The following P3H2 variants were observed in gnomAD, a reference collection of about 807,000 sequenced individuals.
The protein encoded by P3H2 is prolyl 3-hydroxylase 2, also known as leprecan-like 1.
In P3H2, 80 loss-of-function variants were observed where a neutral mutation model predicts 87.0. That is an observed-to-expected ratio of 0.92 (90% CI 0.77 to 1.11). The LOEUF is 1.11. Among genes scored for constraint, P3H2 ranks in the 50% least tolerant of loss-of-function variants. The pLI is 0.00. For missense variants in P3H2, 1,001 were observed against 923.9 expected (o/e 1.08, Z -1.08); for synonymous variants, 367 against 359.3 (o/e 1.02, Z -0.24).
intron 1 of P3H2, among the ~76,000 whole-genome samples, chr3:190,007,965 C>CACACACATAT: frequency 1.1e-5 from 1 of 94,332 alleles, no homozygotes. Context: ...TGTTGACACA[C>CACACACATAT]ATATATATAT....
At chr3:190,052,909 T>C (rs1201146184) in intron 1 of P3H2, among the ~76,000 whole-genome samples, 3 of 152,220 alleles carry the variant, frequency 2.0e-5, no homozygotes, top group Non-Finnish European at 4.4e-5. Context: ...TTCATCTTTC[T>C]TCCTTAGTCC....
intron 1 of P3H2, among the ~76,000 whole-genome samples, chr3:190,117,881 C>A (rs984389209): frequency 6.6e-6 from 1 of 151,902 alleles, no homozygotes; most frequent in Non-Finnish European, 1.5e-5. Context: ...TATGTAGATC[C>A]AAGAAACTGC....
At chr3:190,074,319 G>A (rs1236348397) in intron 1 of P3H2, among the ~76,000 whole-genome samples, 4 of 152,082 alleles carry the variant, frequency 2.6e-5, no homozygotes, top group Non-Finnish European at 5.9e-5. Context: ...AGACCTGCCT[G>A]GCCAACATGA....
chr3:189,993,760 C>A (rs546828366), intron 3 of P3H2, among the ~76,000 whole-genome samples: 131 of 151,960 alleles, frequency 8.6e-4, no homozygotes, highest in African/African-American at 2.9e-3. Context: ...TACGTACTTA[C>A]GTGAGAAGAA....
intron 1 of P3H2, among the ~76,000 whole-genome samples, chr3:190,021,584 TA>T (rs1442803678): frequency 4.4e-5 from 6 of 134,876 alleles, no homozygotes; most frequent in African/African-American, 1.5e-4. Context: ...CTTTCAGTTT[TA>T]AAAAATAAAA....
In P3H2 at chr3:189,983,186, G is replaced by A. The variant is rs549249630; in HGVS notation, c.1230-46C>T. The A allele has an allele frequency of 3.0e-4, 424 of 1,390,648 alleles. 3 individuals carry two copies. The South Asian group carries it at 4.5e-3, about 15-fold the overall frequency. 86.1% of individuals were successfully genotyped at this position (1,390,648 alleles called of 1,614,324 possible). ...AAATGGCAATTTGTCATTGAATAAC[G>A]ATGTTCAAAGGCAAAGAATACTTTA... On this transcript the variant is annotated intron_variant, in intron 7 of 14. Transcript: ENST00000319332.
At chr3:189,961,922 T>C (rs978305892) in intron 14 of P3H2, among the ~76,000 whole-genome samples, 3 of 152,198 alleles carry the variant, frequency 2.0e-5, no homozygotes, top group East Asian at 1.9e-4. Context: ...GTCTGCTGAA[T>C]TGAATACTAG....
At chr3:190,038,486 G>T (rs1725494748) in intron 1 of P3H2, among the ~76,000 whole-genome samples, 3 of 92,606 alleles carry the variant, frequency 3.2e-5, no homozygotes, top group Non-Finnish European at 4.3e-5. Flanking sequence ...ACTGCAGAAT[G>T]AAAAAAAAAA....
intron 1 of P3H2, among the ~76,000 whole-genome samples, chr3:190,013,728 A>G (rs1413445561): frequency 6.6e-6 from 1 of 152,210 alleles, no homozygotes; most frequent in Non-Finnish European, 1.5e-5. Flanking sequence ...CAGTTTTCAA[A>G]TATCTTTTAC....
rs941278008 is a variant in P3H2, at chr3:189,991,157, A to C, written c.824-2119T>G. 2.0e-5 allele frequency among the ~76,000 whole-genome samples: 3 copies of C among 152,236 alleles called. No homozygotes were observed. In the South Asian group the frequency reaches 6.2e-4, roughly 32 times the overall value. ...CAATTAAAATGTGAACCACACATAA[A>C]ACTGACATTCCAAAAATTTAGGCAA... On this transcript the variant is annotated intron_variant, in intron 3 of 14. Coordinates refer to ENST00000319332, the MANE Select transcript of P3H2 (RefSeq NM_018192.4).
chr3:190,110,872 T>C (rs1043336297), intron 1 of P3H2, among the ~76,000 whole-genome samples: 1 of 152,224 alleles, frequency 6.6e-6, no homozygotes, highest in Non-Finnish European at 1.5e-5. Flanking sequence ...TTTTATTACA[T>C]ATTTTGCTTT....
intron 1 of P3H2, among the ~76,000 whole-genome samples, chr3:190,012,921 C>T (rs1040478701): frequency 2.0e-5 from 3 of 152,104 alleles, no homozygotes; most frequent in South Asian, 2.1e-4. Context: ...CTTGAAAGTC[C>T]GCTTAGCTCA....
At chr3:189,993,510 A>G (rs1009185024) in intron 3 of P3H2, among the ~76,000 whole-genome samples, 5 of 152,160 alleles carry the variant, frequency 3.3e-5, no homozygotes, top group Non-Finnish European at 1.5e-5. Flanking sequence ...CTCCCAAATT[A>G]TTCTATAATG....
chr3:190,039,196 A>AAT (rs376101268), intron 1 of P3H2, among the ~76,000 whole-genome samples: 44 of 151,772 alleles, frequency 2.9e-4, no homozygotes, highest in East Asian at 2.1e-3. Flanking sequence ...TCTCAAAAAA[A>AAT]AAAATAAAAA....
chr3:190,098,801 G>A (rs838704), intron 1 of P3H2, among the ~76,000 whole-genome samples: 17,399 of 152,122 alleles, frequency 0.11, 1,219 homozygotes, highest in East Asian at 0.17. Context: ...GAATTAAAAT[G>A]CAAGTTTAAT....
chr3:190,003,495 TAA>T (rs5855293), intron 1 of P3H2, among the ~76,000 whole-genome samples: 28,815 of 145,980 alleles, frequency 0.2, 3,086 homozygotes, highest in Non-Finnish European at 0.26. Flanking sequence ...CCCTTGATGT[TAA>T]AAAAAAAAAA....
chr3:189,984,107 C>G (rs1191029989), intron 7 of P3H2, among the ~76,000 whole-genome samples: 2 of 152,044 alleles, frequency 1.3e-5, no homozygotes, highest in Non-Finnish European at 2.9e-5. Context: ...AATGAGCTTT[C>G]TTGATTTCTG....
chr3:189,996,982 T>C lies in P3H2; in HGVS notation c.481-1540A>G, dbSNP rs369864344. Among the ~76,000 whole-genome samples, 7 of 152,378 alleles carry C rather than the reference T, an allele frequency of 4.6e-5. No individual in the cohort carries two copies. In the South Asian group the frequency reaches 8.3e-4, roughly 18 times the overall value. On this transcript the variant is annotated intron_variant, in intron 1 of 14. Coordinates refer to ENST00000319332, the MANE Select transcript of P3H2 (RefSeq NM_018192.4). ...ATGATCTCCATGTAACAAGCAATGA[T>C]ATATTTTTAAAAAATGGAATTAATT...
intron 1 of P3H2, among the ~76,000 whole-genome samples, chr3:190,093,734 G>C (rs1727486216): frequency 6.6e-6 from 1 of 152,180 alleles, no homozygotes; most frequent in African/African-American, 2.4e-5. Context: ...TTTGTTTTGG[G>C]TTTGGTTTAA....
Sources: gnomAD v4.1 joint callset for allele counts (sites outside exome capture counted in the v4.1 genomes callset) on GRCh38, gnomAD v4.1.1 for gene constraint, MANE v1.5 for transcripts, NCBI Gene and HGNC (gene_info 2026-07-23, HGNC 2026-07-21) for gene names.